The following AKAP9 variants were observed in gnomAD, a reference collection of about 807,000 sequenced individuals.
AKAP9 encodes the protein A-kinase anchor protein 9.
A neutral mutation model predicts 488.5 loss-of-function variants in AKAP9; 311 were observed. The observed-to-expected ratio is 0.64, with a 90% confidence interval of 0.58 to 0.70. The LOEUF (loss-of-function observed/expected upper bound fraction) is 0.70, where lower values mean the gene tolerates loss of function less well. Among genes scored for constraint, AKAP9 ranks in the 30% least tolerant of loss-of-function variants. The pLI is 0.00. For missense variants in AKAP9, 4,215 were observed against 4,374.5 expected, an observed-to-expected ratio of 0.96 and a Z score of 1.03; for synonymous variants, 1,462 against 1,483.5, an observed-to-expected ratio of 0.99 and a Z score of 0.33.
In AKAP9 at chr7:92,079,096, T is replaced by G; in HGVS notation, c.6963T>G (p.Asn2321Lys). Residue 2321 changes from asparagine to lysine, a missense_variant, in exon 31 of 50, where the codon AAT becomes AAG. Physicochemically the swap from Asn to Lys is moderately conservative, Grantham distance 94 (BLOSUM62 0). Coordinates refer to ENST00000356239, the MANE Select transcript of AKAP9 (RefSeq NM_005751.5). The part of the protein sequence containing the change: ...TTDNKVIEEK[N>K]ELIRDLETQI... Reference sequence around the variant, plus strand: ...ATTATTAGGTTATTGAAGAAAAAAATGAACTGATAAGGGATCTTGAAACCC... The same window carrying G: ...ATTATTAGGTTATTGAAGAAAAAAAGGAACTGATAAGGGATCTTGAAACCC... 6.2e-7 allele frequency: 1 copy of G among 1,606,052 alleles called. No individual in the cohort carries two copies. The highest frequency in any genetic ancestry group is 1.1e-5 in the South Asian group (1 of 88,880).
chr7:92,081,240 C>T lies in AKAP9; in HGVS notation c.8019+1088C>T, dbSNP rs182044877. ...GGATTGACAAAGAATGCAGACTTTA[C>T]AGAAAGAAATCTATTATTTAATAGC... On this transcript the variant is annotated intron_variant, in intron 31 of 49. Coordinates refer to ENST00000356239, the MANE Select transcript of AKAP9 (RefSeq NM_005751.5). 2.8e-4 allele frequency among the ~76,000 whole-genome samples: 43 copies of T among 151,312 alleles called. 1 individual carries two copies. Among genetic ancestry groups the T allele is most frequent in the Middle Eastern group, 3.4e-3 (1 of 292 alleles).
At chr7:91,982,028 A>G (rs1228776825) in intron 3 of AKAP9, among the ~76,000 whole-genome samples, 2 of 152,158 alleles carry the variant, frequency 1.3e-5, no homozygotes, top group Non-Finnish European at 2.9e-5. Flanking sequence ...ATATTTTTTA[A>G]TATGCTAGTG....
chr7:92,007,171 T>G (rs907698687), intron 8 of AKAP9, among the ~76,000 whole-genome samples: 8 of 151,524 alleles, frequency 5.3e-5, no homozygotes, highest in African/African-American at 1.9e-4. Flanking sequence ...GTGTAGGTCC[T>G]AACCATTGCA....
rs1175120423 is a variant in AKAP9, at chr7:92,084,833, T to A, written c.8725T>A (p.Trp2909Arg). ...EICSSDSGSD[W>R]GQGIYLTHSQ... The stretch of plus-strand genomic sequence containing the variant: ...CTTTATTTTAGATTCTGGATCAGAC[T>A]GGGGTCAGGGAATTTATCTTACACA... The change falls in exon 35 of 50, where the codon TGG becomes AGG. Residue 2909 changes from tryptophan (W) to arginine (R), a missense_variant. Trp to Arg is a moderately radical substitution (Grantham distance 101). Transcript: ENST00000356239. 8.1e-6 allele frequency: 13 copies of A among 1,613,318 alleles called. No homozygotes were observed. The South Asian group carries it at 1.4e-4, about 18-fold the overall frequency.
chr7:91,970,470 C>G (rs1210560190), intron 1 of AKAP9: 1 of 455,976 alleles, frequency 2.2e-6, no homozygotes, highest in Non-Finnish European at 4.4e-6. Context: ...TTTTTTCTTT[C>G]AGATTGAAGA....
intron 1 of AKAP9, among the ~76,000 whole-genome samples, chr7:91,948,960 A>G (rs1584528852): frequency 6.6e-6 from 1 of 152,120 alleles, no homozygotes; most frequent in Non-Finnish European, 1.5e-5. Context: ...CATGTTGGCC[A>G]GGCTGGTCTT....
At chr7:92,055,460 G>A (rs1263239931) in intron 22 of AKAP9, among the ~76,000 whole-genome samples, 2 of 151,986 alleles carry the variant, frequency 1.3e-5, no homozygotes, top group Non-Finnish European at 2.9e-5. Flanking sequence ...CCAAAAGAGA[G>A]CAACAAAAGT....
chr7:91,996,039 A>G (rs1405523501), intron 7 of AKAP9: 1 of 426,486 alleles, frequency 2.3e-6, no homozygotes, highest in Non-Finnish European at 4.1e-6. Flanking sequence ...GGAAAATACA[A>G]ATTTATAGCT....
At chr7:92,070,863 T>C (rs1390200819) in intron 27 of AKAP9, 42 bp from the exon 28 acceptor site, 3 of 1,421,770 alleles carry the variant, frequency 2.1e-6, no homozygotes, top group Admixed American at 3.9e-5. Context: ...ATAATCAGGA[T>C]TTAATTTATC....
intron 15 of AKAP9, among the ~76,000 whole-genome samples, chr7:92,030,446 G>T: frequency 6.6e-6 from 1 of 150,950 alleles, no homozygotes; most frequent in East Asian, 2.0e-4. Flanking sequence ...ATCAAGACCA[G>T]CCTGGCTAAC....
rs759803761 is a variant in AKAP9 at position 92,012,537 on chromosome 7, C to G, written c.3427C>G (p.Leu1143Val). The G allele has an allele frequency of 4.3e-6, 7 of 1,613,896 alleles. No homozygotes were observed. In the South Asian group the frequency reaches 7.7e-5, roughly 18 times the overall value. ...TATGGAAAATGAAAAAGATAAAGCT[C>G]TTTGCAGTCTTAAAGAAGAGCTTAT... ...EYMENEKDKALCSLKEELIFA... is the reference protein window; with the variant it reads ...EYMENEKDKAVCSLKEELIFA... Residue 1143 changes from leucine to valine, a missense_variant, in exon 9 of 50, where the codon CTT becomes GTT. By Grantham distance (32) the Leu-to-Val change is conservative (BLOSUM62 1). This residue lies in a region of AKAP9 where 2,361 missense variants were observed against 2,430.0 expected (regional missense o/e 0.97). Coordinates refer to ENST00000356239, the MANE Select transcript of AKAP9 (RefSeq NM_005751.5).
At chr7:91,949,598 C>T (rs569183753) in intron 1 of AKAP9, among the ~76,000 whole-genome samples, 2 of 152,288 alleles carry the variant, frequency 1.3e-5, no homozygotes, top group East Asian at 3.9e-4. Flanking sequence ...GTCATATTGA[C>T]ACCCCTTTTA....
chr7:92,012,412 C>T lies in AKAP9; in HGVS notation c.3319-17C>T, dbSNP rs1243568847. ...TCATTTAAGAATATTATAATGTTTA[C>T]ATATGTTTACTTTAAGAATGATTTA... is the stretch of plus-strand genomic sequence containing the variant. On this transcript the variant is annotated splice_polypyrimidine_tract_variant and intron_variant, in intron 8 of 49. Transcript: ENST00000356239. 5 of 1,594,216 alleles carry T rather than the reference C, an allele frequency of 3.1e-6. No homozygotes were observed. In the African/African-American group the frequency reaches 4.0e-5, roughly 13 times the overall value.
At chr7:91,955,105 T>C (rs931888688) in intron 1 of AKAP9, among the ~76,000 whole-genome samples, 2 of 152,178 alleles carry the variant, frequency 1.3e-5, no homozygotes, top group South Asian at 4.1e-4. Context: ...GGACAGCTTC[T>C]TACCTCCTTG....
intron 38 of AKAP9, among the ~76,000 whole-genome samples, chr7:92,091,597 A>C (rs200344914): frequency 0.44 from 57,148 of 128,714 alleles, 9,182 homozygotes; most frequent in East Asian, 0.64. Context: ...AAAAAAAAAA[A>C]CAAAAAAAAA....
intron 1 of AKAP9, among the ~76,000 whole-genome samples, chr7:91,950,202 C>T (rs1213294358): frequency 1.3e-5 from 2 of 148,868 alleles, no homozygotes; most frequent in Admixed American, 1.3e-4. Context: ...TGTGGTTAGG[C>T]TGTATTTATT....
chr7:91,965,120 A>G (rs1184491867), intron 1 of AKAP9, among the ~76,000 whole-genome samples: 2 of 152,184 alleles, frequency 1.3e-5, no homozygotes, highest in Non-Finnish European at 2.9e-5. Flanking sequence ...CTACCAATCT[A>G]TCAAACACTA....
rs565135593 is a variant in AKAP9, at chr7:91,948,244, G to T, written c.48+7097G>T. On this transcript the variant is annotated intron_variant, in intron 1 of 49. Transcript: ENST00000356239. ...GTGAATAGTGCTGCTGTGAACATTT[G>T]TATGGATGTATTTGAGTACCTGTTT... Among the ~76,000 whole-genome samples, 5 of 152,236 alleles carry T rather than the reference G, an allele frequency of 3.3e-5. No individual in the cohort carries two copies. In the East Asian group the frequency reaches 9.6e-4, roughly 29 times the overall value.
At chr7:92,093,444 A>G in intron 39 of AKAP9, 128 bp downstream of exon 39, 1 of 806,576 alleles carries the variant, frequency 1.2e-6, no homozygotes, top group Admixed American at 2.2e-5. Flanking sequence ...TTTTTTTAGG[A>G]AAAACTATAA....
Sources: allele counts gnomAD v4.1 joint callset (sites outside exome capture counted in the v4.1 genomes callset), GRCh38; gene constraint gnomAD v4.1.1; regional missense constraint gnomAD v4.1.1; transcripts MANE v1.5; gene names NCBI Gene and HGNC (gene_info 2026-07-23, HGNC 2026-07-21).